The following AGBL4 variants were observed in gnomAD, a reference collection of about 807,000 sequenced individuals.
The protein encoded by AGBL4 is cytosolic carboxypeptidase 6.
Under a neutral mutation model 66.4 loss-of-function variants are expected in AGBL4, and 58 were observed. The ratio of observed to expected loss-of-function variants is 0.87; its 90% confidence interval spans 0.71 to 1.09. The LOEUF (loss-of-function observed/expected upper bound fraction) is 1.09. Ranked by LOEUF, AGBL4 falls within the 50% of genes least tolerant of loss-of-function variation. The pLI is 0.00. For missense variants in AGBL4, 579 were observed against 631.0 expected (o/e 0.92, Z 0.88); for synonymous variants, 234 against 222.9 (o/e 1.05, Z -0.44).
intron 4 of AGBL4, among the ~76,000 whole-genome samples, chr1:49,078,245 T>C (rs979438751): frequency 6.6e-6 from 1 of 152,204 alleles, no homozygotes; most frequent in Non-Finnish European, 1.5e-5. Flanking sequence ...GCCTAGAATA[T>C]GTCCTATCTC....
chr1:49,346,577 A>G (rs1465869553), intron 3 of AGBL4, among the ~76,000 whole-genome samples: 1 of 152,192 alleles, frequency 6.6e-6, no homozygotes, highest in African/African-American at 2.4e-5. Flanking sequence ...CTTAAATTGA[A>G]CACTTATTTG....
chr1:49,081,326 T>C (rs1233122956), intron 4 of AGBL4, among the ~76,000 whole-genome samples: 1 of 152,226 alleles, frequency 6.6e-6, no homozygotes, highest in Non-Finnish European at 1.5e-5. Context: ...AAGTCCCAGC[T>C]CTACAGTTTC....
chr1:48,552,677 C>T (rs1644266296), intron 11 of AGBL4, among the ~76,000 whole-genome samples: 1 of 152,160 alleles, frequency 6.6e-6, no homozygotes, highest in African/African-American at 2.4e-5. Flanking sequence ...CAAACACTCC[C>T]TGGGGCAAAC....
At chr1:49,848,097 T>A (rs1414908401) in intron 2 of AGBL4, among the ~76,000 whole-genome samples, 1 of 152,002 alleles carries the variant, frequency 6.6e-6, no homozygotes, top group Non-Finnish European at 1.5e-5. Context: ...TGACTATTAT[T>A]AAAAAGCAAA....
chr1:48,908,977 A>C (rs545376456), intron 5 of AGBL4, among the ~76,000 whole-genome samples: 1 of 152,208 alleles, frequency 6.6e-6, no homozygotes, highest in South Asian at 2.1e-4. Context: ...ACACCCTCCA[A>C]ACACTATGCT....
intron 6 of AGBL4, among the ~76,000 whole-genome samples, chr1:48,768,754 C>G (rs543318189): frequency 3.3e-5 from 5 of 152,278 alleles, no homozygotes; most frequent in African/African-American, 1.2e-4. Flanking sequence ...ACATAAAATG[C>G]TTTGTAAAGG....
At chr1:48,715,627 T>G (rs569950330) in intron 6 of AGBL4, among the ~76,000 whole-genome samples, 1 of 152,206 alleles carries the variant, frequency 6.6e-6, no homozygotes, top group Admixed American at 6.5e-5. Context: ...CAGAGTAAAT[T>G]TGGAGACAGG....
intron 3 of AGBL4, among the ~76,000 whole-genome samples, chr1:49,398,333 T>TTCTCTC (rs36025670): frequency 2.4e-3 from 347 of 143,700 alleles, no homozygotes; most frequent in African/African-American, 8.1e-3. Context: ...CTCTCTCTCT[T>TTCTCTC]TCTCTCTCTC....
Position 49,664,687 on chromosome 1 carries a change from T to C in AGBL4, c.282+32626A>G, listed in dbSNP as rs1646329171. On this transcript the variant is annotated intron_variant, in intron 3 of 13. Transcript: ENST00000371839. ...AAATTTCTTTCTGAGATTGGTATCTTTGGCTCATATTCAGTGTATCCCACA... is the reference window on the plus strand; with the variant it reads ...AAATTTCTTTCTGAGATTGGTATCTCTGGCTCATATTCAGTGTATCCCACA... Among the ~76,000 whole-genome samples the C allele has an allele frequency of 2.0e-5, 3 of 152,116 alleles. No homozygotes were observed. In the South Asian group the frequency reaches 6.2e-4, roughly 31 times the overall value.
chr1:49,285,463 A>C (rs1427054554), intron 3 of AGBL4, among the ~76,000 whole-genome samples: 1 of 152,160 alleles, frequency 6.6e-6, no homozygotes, highest in Admixed American at 6.5e-5. Flanking sequence ...TAAAAGAACT[A>C]GAAAAGCAAG....
At chr1:49,604,764 C>A (rs1215641800) in intron 3 of AGBL4, among the ~76,000 whole-genome samples, 1 of 151,906 alleles carries the variant, frequency 6.6e-6, no homozygotes, top group Non-Finnish European at 1.5e-5. Flanking sequence ...CCCCCATTTC[C>A]CTCTGTTTAC....
At chr1:49,549,425 G>A (rs1328840379) in intron 3 of AGBL4, among the ~76,000 whole-genome samples, 1 of 151,846 alleles carries the variant, frequency 6.6e-6, no homozygotes, top group Non-Finnish European at 1.5e-5. Flanking sequence ...GAGGGCTGTG[G>A]ACTTTTCTCT....
intron 3 of AGBL4, among the ~76,000 whole-genome samples, chr1:49,405,244 G>A (rs1211530182): frequency 6.6e-6 from 1 of 152,048 alleles, no homozygotes; most frequent in Non-Finnish European, 1.5e-5. Context: ...ATATTTAACT[G>A]CATTAGTACC....
intron 2 of AGBL4, among the ~76,000 whole-genome samples, chr1:49,831,013 T>G (rs981358917): frequency 1.3e-5 from 2 of 152,206 alleles, no homozygotes; most frequent in African/African-American, 4.8e-5. Flanking sequence ...TATTGTAGCT[T>G]TGTAATATAT....
At chr1:48,671,892 C>T (rs1646282903) in intron 6 of AGBL4, among the ~76,000 whole-genome samples, 1 of 152,172 alleles carries the variant, frequency 6.6e-6, no homozygotes, top group Non-Finnish European at 1.5e-5. Flanking sequence ...CAGGCTTTCC[C>T]CAATGTGCGC....
chr1:49,811,078 A>G (rs2147970200), intron 2 of AGBL4, among the ~76,000 whole-genome samples: 1 of 152,354 alleles, frequency 6.6e-6, no homozygotes, highest in East Asian at 1.9e-4. Context: ...TGGGACCTAG[A>G]TATCTATCCG....
chr1:49,149,504 A>AC (rs1295944841), intron 4 of AGBL4, among the ~76,000 whole-genome samples: 1 of 152,200 alleles, frequency 6.6e-6, no homozygotes, highest in Non-Finnish European at 1.5e-5. Flanking sequence ...GAATGTAGGG[A>AC]CTACAACCTA....
intron 6 of AGBL4, among the ~76,000 whole-genome samples, chr1:48,841,175 A>G (rs1449497560): frequency 6.6e-6 from 1 of 152,142 alleles, no homozygotes; most frequent in Non-Finnish European, 1.5e-5. Context: ...ACTGTTCTGT[A>G]TCCTGGTTGT....
intron 3 of AGBL4, among the ~76,000 whole-genome samples, chr1:49,389,983 C>T (rs1644813235): frequency 6.6e-6 from 1 of 152,148 alleles, no homozygotes; most frequent in Non-Finnish European, 1.5e-5. Flanking sequence ...GAATAACCAG[C>T]AAAATTTCAT....
Sources: gnomAD v4.1 joint callset for allele counts (sites outside exome capture counted in the v4.1 genomes callset) on GRCh38, gnomAD v4.1.1 for gene constraint, MANE v1.5 for transcripts, NCBI Gene and HGNC (gene_info 2026-07-23, HGNC 2026-07-21) for gene names.